Variants in ANKRD13A observed in about 807,000 individuals in gnomAD.
The protein encoded by ANKRD13A is ankyrin repeat domain-containing protein 13A.
Under a neutral mutation model 81.3 loss-of-function variants are expected in ANKRD13A, and 48 were observed. The observed-to-expected ratio is 0.59, with a 90% confidence interval of 0.47 to 0.75. The LOEUF (loss-of-function observed/expected upper bound fraction) is 0.75. Among genes scored for constraint, ANKRD13A ranks in the 30% least tolerant of loss-of-function variants. The pLI, the probability that ANKRD13A is intolerant of heterozygous loss-of-function variation, is 0.00. For synonymous variants in ANKRD13A, 230 were observed against 270.1 expected (o/e 0.85, Z 1.45); for missense variants, 612 against 734.0 (o/e 0.83, Z 1.92).
intron 1 of ANKRD13A, among the ~76,000 whole-genome samples, chr12:110,011,370 C>T (rs894151133): frequency 3.3e-5 from 5 of 152,140 alleles, no homozygotes; most frequent in Admixed American, 6.5e-5. Flanking sequence ...ATGGAAGTGA[C>T]GCATGTGCAC....
At chr12:110,029,102 T>A in intron 10 of ANKRD13A, 1 of 187,112 alleles carries the variant, frequency 5.3e-6, no homozygotes, top group Non-Finnish European at 1.1e-5. Flanking sequence ...CAGTAGATTG[T>A]CCATGTTATT....
chr12:110,018,234 G>A lies in ANKRD13A; in HGVS notation c.401-111G>A, dbSNP rs1476054343. On this transcript the variant is annotated intron_variant, in intron 4 of 14. Transcript: ENST00000261739. This position sits in a 1 kb window ranked among gnomAD's most constrained non-coding sequence, Gnocchi z 4.4. Reference sequence around the variant, plus strand: ...AAGCCAAGAAGTCCGTTGTTTGATGGTCACCATCTTGCCACTCCCCTCCTT... The same window carrying A: ...AAGCCAAGAAGTCCGTTGTTTGATGATCACCATCTTGCCACTCCCCTCCTT... The A allele has an allele frequency of 2.5e-5, 29 of 1,153,592 alleles. No individual in the cohort carries two copies. In the East Asian group the frequency reaches 7.3e-4, roughly 29 times the overall value. 71.5% of individuals were successfully genotyped at this position (1,153,592 alleles called of 1,614,324 possible). A position where few individuals can be genotyped will look rare whatever the true frequency, so the allele number is the denominator to read the frequency against.
chr12:110,028,877 A>G (rs547293118), intron 10 of ANKRD13A: 2 of 392,114 alleles, frequency 5.1e-6, no homozygotes, highest in Non-Finnish European at 9.4e-6. Flanking sequence ...AGCTGGGACT[A>G]CAGGCGCGTG....
rs564678253 is a variant in ANKRD13A at position 110,038,993 on chromosome 12, TAC to T, written c.*1441_*1442del. The T allele has an allele frequency of 5.6e-4, 85 of 152,304 alleles. 1 individual carries two copies. Among genetic ancestry groups the T allele is most frequent in the African/African-American group, 2.0e-3 (85 of 41,554 alleles). 9.4% of individuals were successfully genotyped at this position (152,304 alleles called of 1,614,324 possible). On this transcript the variant is annotated 3_prime_UTR_variant, in exon 15 of 15. Transcript: ENST00000261739. The stretch of plus-strand genomic sequence containing the variant: ...ACTGTTCCAGGTAACGTCTGTATCA[TAC>T]AGTTAGTGTTGCCAGTGAAACGTTC...
Position 110,018,333 on chromosome 12 carries a change from TCTCTC to T in ANKRD13A, c.401-8_401-4del. 1 of 1,613,794 alleles carries T rather than the reference TCTCTC, an allele frequency of 6.2e-7. No homozygotes were observed. The highest frequency in any genetic ancestry group is 8.5e-7 in the Non-Finnish European group (1 of 1,179,772). On this transcript the variant is annotated splice_region_variant and splice_polypyrimidine_tract_variant and intron_variant, in intron 4 of 14. Coordinates refer to ENST00000261739, the MANE Select transcript of ANKRD13A (RefSeq NM_033121.2). The surrounding 1 kb of genome is among the most constrained non-coding windows in gnomAD (Gnocchi z 4.4). ...CTTGAGTTTTTCTCAGTAGTACACT[TCTCTC>T]CTCCAGTGCCCTTGGTTTCTAGAAT...
At chr12:110,012,190 C>T in intron 2 of ANKRD13A, 53 bp downstream of exon 2, 1 of 1,530,282 alleles carries the variant, frequency 6.5e-7, no homozygotes, top group Admixed American at 1.9e-5. Flanking sequence ...ATGGTGAAAC[C>T]CTGTCTCTAC....
chr12:110,009,466 C>T (rs1001889321), intron 1 of ANKRD13A, among the ~76,000 whole-genome samples: 2 of 152,174 alleles, frequency 1.3e-5, no homozygotes, highest in Non-Finnish European at 2.9e-5. Flanking sequence ...GTTAAGTCTT[C>T]TCTCTTTTTT....
rs540485977 is a variant in ANKRD13A, at chr12:110,036,645, G to A, written c.1577+317G>A. On this transcript the variant is annotated intron_variant, in intron 14 of 14. Transcript: ENST00000261739. This position sits in a 1 kb window ranked among gnomAD's most constrained non-coding sequence, Gnocchi z 4.6. ...CAGGCACCTGTAGTCTCAGCTACTC[G>A]GGAGGCTGAGGCAGGAGAATGGCAA... Among the ~76,000 whole-genome samples the A allele has an allele frequency of 1.2e-4, 18 of 152,146 alleles. No homozygotes were observed. The highest frequency in any genetic ancestry group is 2.4e-4 in the Non-Finnish European group (16 of 68,026).
intron 1 of ANKRD13A, among the ~76,000 whole-genome samples, chr12:110,011,540 A>T (rs752102841): frequency 1.3e-5 from 2 of 152,212 alleles, no homozygotes; most frequent in African/African-American, 4.8e-5. Context: ...ATCCAGCTAG[A>T]GAATGTAATT....
chr12:110,022,468 G>A (rs1340366736), intron 6 of ANKRD13A: 3 of 151,128 alleles, frequency 2.0e-5, no homozygotes, highest in South Asian at 2.1e-4. Flanking sequence ...AAAAAAAAGA[G>A]TGCAAATGCT....
chr12:110,036,483 C>T lies in ANKRD13A; in HGVS notation c.1577+155C>T, dbSNP rs1047394090. On this transcript the variant is annotated intron_variant, in intron 14 of 14. Coordinates refer to ENST00000261739, the MANE Select transcript of ANKRD13A (RefSeq NM_033121.2). This position sits in a 1 kb window ranked among gnomAD's most constrained non-coding sequence, Gnocchi z 4.6. The stretch of plus-strand genomic sequence containing the variant: ...AGAAAAAGTAGGCCAGGAGCGGTGG[C>T]TCACGCCTATAATCCCAGCATTTTG... Among the ~76,000 whole-genome samples the T allele has an allele frequency of 4.6e-5, 7 of 152,200 alleles. No homozygotes were observed.
At chr12:110,000,041 G>A (rs991859003) in intron 1 of ANKRD13A, among the ~76,000 whole-genome samples, 3 of 152,216 alleles carry the variant, frequency 2.0e-5, no homozygotes, top group African/African-American at 7.2e-5. Context: ...GGACAGAGAA[G>A]GAAACAGGTC....
chr12:110,033,273 A>G (rs1242879483), intron 12 of ANKRD13A, among the ~76,000 whole-genome samples: 1 of 149,022 alleles, frequency 6.7e-6, no homozygotes, highest in Non-Finnish European at 1.5e-5. Flanking sequence ...CATGTTAGCC[A>G]AGATGGTCTC....
intron 1 of ANKRD13A, among the ~76,000 whole-genome samples, chr12:110,000,668 C>T (rs947168344): frequency 4.0e-5 from 6 of 151,844 alleles, no homozygotes; most frequent in Admixed American, 2.6e-4. Context: ...CTACAATGGC[C>T]AAGACAGCCC....
intron 8 of ANKRD13A, chr12:110,027,085 T>C (rs1243786885): frequency 6.6e-6 from 1 of 152,410 alleles, no homozygotes; most frequent in Non-Finnish European, 1.5e-5. Context: ...GTCCAAACTA[T>C]TGTGATGAAA....
chr12:110,001,503 G>A (rs941056569), intron 1 of ANKRD13A, among the ~76,000 whole-genome samples: 6 of 150,194 alleles, frequency 4.0e-5, no homozygotes, highest in Non-Finnish European at 7.4e-5. Context: ...GCAGTGGCGC[G>A]ATCTCAGGTC....
chr12:110,015,946 T>C (rs1890773059), intron 3 of ANKRD13A, among the ~76,000 whole-genome samples: 1 of 150,308 alleles, frequency 6.7e-6, no homozygotes, highest in South Asian at 2.1e-4. Flanking sequence ...ACACTTGTTT[T>C]TTCTTTCTTT....
chr12:110,027,472 T>C, intron 8 of ANKRD13A: 1 of 486,240 alleles, frequency 2.1e-6, no homozygotes, highest in Non-Finnish European at 3.7e-6. Flanking sequence ...ATCCAGACTC[T>C]TCCCATTATT....
In ANKRD13A at chr12:110,037,488, G is replaced by C; in HGVS notation, c.1707G>C (p.Glu569Asp). 1 of 1,614,192 alleles carries C rather than the reference G, an allele frequency of 6.2e-7. No individual in the cohort carries two copies. ...CTGCCAAAGAGCTGGAGGAATGGGAGCTCCGGCTCCAGGAGGAAGAGGCTG... is the reference window on the plus strand; with the variant it reads ...CTGCCAAAGAGCTGGAGGAATGGGACCTCCGGCTCCAGGAGGAAGAGGCTG... ...ELSAKELEEWELRLQEEEAEL... is the reference protein window; with the variant it reads ...ELSAKELEEWDLRLQEEEAEL... Residue 569 changes from glutamate to aspartate, a missense_variant, in exon 15 of 15, where the codon GAG (glutamate) becomes GAC (aspartate). Transcript: ENST00000261739.
Sources: gnomAD v4.1 joint callset for allele counts (sites outside exome capture counted in the v4.1 genomes callset) on GRCh38, gnomAD v4.1.1 for gene constraint, Gnocchi (gnomAD v3.1) non-coding constraint, MANE v1.5 for transcripts, NCBI Gene and HGNC (gene_info 2026-07-23, HGNC 2026-07-21) for gene names.